Variants in CRPPA observed in about 807,000 individuals in gnomAD.
CRPPA encodes CDP-L-ribitol pyrophosphorylase A.
CRPPA carries 43 observed loss-of-function variants against 52.0 expected under a neutral mutation model. That is an observed-to-expected ratio of 0.83 (90% CI 0.65 to 1.07). CRPPA has a LOEUF of 1.07. Ranked by LOEUF, CRPPA falls within the 50% of genes least tolerant of loss-of-function variation. The pLI is 0.00. For missense variants in CRPPA, 629 were observed against 551.7 expected, an observed-to-expected ratio of 1.14 and a Z score of -1.40; for synonymous variants, 250 against 203.5, an observed-to-expected ratio of 1.23 and a Z score of -1.94.
chr7:16,400,355 C>T (rs976023003), intron 2 of CRPPA, among the ~76,000 whole-genome samples: 1 of 152,206 alleles, frequency 6.6e-6, no homozygotes, highest in African/African-American at 2.4e-5. Flanking sequence ...ACATGATTGA[C>T]ACATGACCAA....
At chr7:16,287,863 A>T (rs1784482070) in intron 5 of CRPPA, among the ~76,000 whole-genome samples, 1 of 139,022 alleles carries the variant, frequency 7.2e-6, no homozygotes, top group Admixed American at 7.6e-5. Flanking sequence ...CAGAGGTTGC[A>T]GTGAGCCAAG....
chr7:16,418,824 C>T (rs1024042225), intron 1 of CRPPA, among the ~76,000 whole-genome samples: 1 of 152,106 alleles, frequency 6.6e-6, no homozygotes, highest in African/African-American at 2.4e-5. Context: ...ACAGCCAAAC[C>T]ATATCAGTGA....
chr7:16,342,791 ATATATATC>A (rs1465461691), intron 3 of CRPPA, among the ~76,000 whole-genome samples: 8 of 64,082 alleles, frequency 1.2e-4, no homozygotes, highest in East Asian at 7.3e-4. Flanking sequence ...AAATATATAT[ATATATATC>A]TATATAGATA....
chr7:16,102,825 G>A (rs1317954767), intron 9 of CRPPA, among the ~76,000 whole-genome samples: 1 of 152,172 alleles, frequency 6.6e-6, no homozygotes, highest in Non-Finnish European at 1.5e-5. Context: ...GAGAGGATGT[G>A]GAGAAATAGG....
intron 3 of CRPPA, among the ~76,000 whole-genome samples, chr7:16,336,312 A>T (rs1318203934): frequency 6.6e-6 from 1 of 152,192 alleles, no homozygotes; most frequent in South Asian, 2.1e-4. Context: ...TAAGTTGTTA[A>T]GAGATACAAA....
chr7:16,348,463 C>T (rs2128307386), intron 3 of CRPPA, among the ~76,000 whole-genome samples: 1 of 152,238 alleles, frequency 6.6e-6, no homozygotes, highest in Admixed American at 6.5e-5. Flanking sequence ...CATTCTGTGC[C>T]TAATTTTTCA....
At chr7:16,404,505 G>A (rs577194722) in intron 2 of CRPPA, among the ~76,000 whole-genome samples, 2 of 151,662 alleles carry the variant, frequency 1.3e-5, no homozygotes, top group South Asian at 4.2e-4. Flanking sequence ...CTCACTTTAT[G>A]GACAATATCT....
At chr7:16,362,493 G>A (rs1375703296) in intron 3 of CRPPA, among the ~76,000 whole-genome samples, 1 of 152,084 alleles carries the variant, frequency 6.6e-6, no homozygotes, top group Non-Finnish European at 1.5e-5. Context: ...TACTCCTAAT[G>A]TCATCACGTT....
intron 1 of CRPPA, among the ~76,000 whole-genome samples, chr7:16,414,213 G>A (rs1426119784): frequency 6.6e-6 from 1 of 152,036 alleles, no homozygotes; most frequent in Non-Finnish European, 1.5e-5. Flanking sequence ...TCCACTGTCA[G>A]GAATTCCCAA....
chr7:16,122,457 C>T (rs779368776), intron 9 of CRPPA, among the ~76,000 whole-genome samples: 2 of 151,874 alleles, frequency 1.3e-5, no homozygotes, highest in Non-Finnish European at 2.9e-5. Flanking sequence ...TGTTATAAGA[C>T]AATTAAAAGT....
At chr7:16,258,545 C>A in intron 7 of CRPPA, 63 bp from the exon 8 acceptor site, 2 of 926,564 alleles carry the variant, frequency 2.2e-6, no homozygotes, top group South Asian at 1.6e-5. Context: ...AAACTTATTT[C>A]AAGGAATAAA....
chr7:16,232,121 T>A (rs1464775078), intron 8 of CRPPA, among the ~76,000 whole-genome samples: 3 of 152,134 alleles, frequency 2.0e-5, no homozygotes, highest in African/African-American at 7.2e-5. Context: ...TGTGCACCTA[T>A]GTGAGAAAAT....
intron 3 of CRPPA, among the ~76,000 whole-genome samples, chr7:16,361,979 C>T (rs752555637): frequency 3.9e-5 from 6 of 152,076 alleles, no homozygotes; most frequent in African/African-American, 1.2e-4. Flanking sequence ...CTCAGCCTCC[C>T]GAGTAGCTGG....
chr7:16,170,847 G>T (rs1001163468), intron 9 of CRPPA, among the ~76,000 whole-genome samples: 1 of 152,216 alleles, frequency 6.6e-6, no homozygotes, highest in Non-Finnish European at 1.5e-5. Flanking sequence ...ATTGCGCAGC[G>T]CCGGCAGCCG....
Position 16,226,191 on chromosome 7 carries a change from A to C in CRPPA, c.1120-9994T>G, listed in dbSNP as rs548368108. On this transcript the variant is annotated intron_variant, in intron 8 of 9. Coordinates refer to ENST00000407010, the MANE Select transcript of CRPPA (RefSeq NM_001101426.4). ...CCAGGAAATAGATAATCTAATAATC[A>C]AAATCAATGTAGATATATAAGATTA... is the stretch of plus-strand genomic sequence containing the variant. Among the ~76,000 whole-genome samples the C allele has an allele frequency of 9.9e-5, 15 of 152,090 alleles. No homozygotes were observed. The East Asian group carries it at 1.3e-3, about 14-fold the overall frequency.
At chr7:16,228,518 A>C (rs754674849) in intron 8 of CRPPA, among the ~76,000 whole-genome samples, 21 of 151,904 alleles carry the variant, frequency 1.4e-4, no homozygotes, top group Non-Finnish European at 2.7e-4. Flanking sequence ...GTTAGTCTCA[A>C]GGAATTTTTT....
intron 2 of CRPPA, among the ~76,000 whole-genome samples, chr7:16,396,580 G>A (rs947008274): frequency 1.3e-5 from 2 of 152,198 alleles, no homozygotes; most frequent in African/African-American, 2.4e-5. Flanking sequence ...TGGGTATCCA[G>A]TCTGAGGAAA....
At chr7:16,202,257 A>G (rs1190032958) in intron 9 of CRPPA, among the ~76,000 whole-genome samples, 1 of 152,178 alleles carries the variant, frequency 6.6e-6, no homozygotes, top group Admixed American at 6.6e-5. Context: ...TACCGCTATA[A>G]CTTGAACCTA....
intron 8 of CRPPA, among the ~76,000 whole-genome samples, chr7:16,235,548 G>A (rs1782926660): frequency 6.6e-6 from 1 of 152,016 alleles, no homozygotes; most frequent in Non-Finnish European, 1.5e-5. Context: ...TATTGTCTAT[G>A]ACTGCTTTGA....
Sources: gnomAD v4.1 joint callset for allele counts (sites outside exome capture counted in the v4.1 genomes callset) on GRCh38, gnomAD v4.1.1 for gene constraint, MANE v1.5 for transcripts, NCBI Gene and HGNC (gene_info 2026-07-23, HGNC 2026-07-21) for gene names.